The following PCDHGB6 variants were observed in gnomAD, a reference collection of about 807,000 sequenced individuals.
PCDHGB6 encodes the protein protocadherin gamma-B6.
Under a neutral mutation model 59.1 loss-of-function variants are expected in PCDHGB6, and 51 were observed. The observed-to-expected ratio is 0.86, with a 90% CI of 0.69 to 1.09. The LOEUF (loss-of-function observed/expected upper bound fraction) is 1.09, where lower values mean the gene tolerates loss of function less well. PCDHGB6 is among the 50% of genes least tolerant of loss of function. The pLI, the probability that PCDHGB6 is intolerant of heterozygous loss-of-function variation, is 0.00. For missense variants in PCDHGB6, 1,148 were observed against 1,205.1 expected, an observed-to-expected ratio of 0.95 and a Z score of 0.70; for synonymous variants, 466 against 495.1, an observed-to-expected ratio of 0.94 and a Z score of 0.78.
At chr5:141,420,692 A>G (rs2096518268) in intron 1 of PCDHGB6, among the ~76,000 whole-genome samples, 1 of 152,228 alleles carries the variant, frequency 6.6e-6, no homozygotes, top group Admixed American at 6.5e-5. Context: ...GGACCGTATT[A>G]TTTCCACTTC....
At chr5:141,430,837 CG>C in intron 1 of PCDHGB6, 1 of 1,560,074 alleles carries the variant, frequency 6.4e-7, no homozygotes, top group African/African-American at 1.4e-5. Flanking sequence ...TGTGGGAGAC[CG>C]GATGCACCCA....
chr5:141,421,799 A>G (rs778353620), intron 1 of PCDHGB6: 1 of 1,613,860 alleles, frequency 6.2e-7, no homozygotes, highest in South Asian at 1.1e-5. Flanking sequence ...GATGGGGCCA[A>G]GAATCCAGAG....
intron 1 of PCDHGB6, chr5:141,417,931 G>T (rs551432799): frequency 6.8e-6 from 11 of 1,611,382 alleles, no homozygotes; most frequent in Middle Eastern, 1.6e-4. Flanking sequence ...TGCTGCCTTT[G>T]TTCTACCCCA....
chr5:141,421,384 C>T (rs960627405), intron 1 of PCDHGB6: 5 of 1,613,928 alleles, frequency 3.1e-6, no homozygotes, highest in Non-Finnish European at 4.2e-6. Context: ...CTCCAAGGAC[C>T]TGGGGCTGGA....
intron 1 of PCDHGB6, among the ~76,000 whole-genome samples, chr5:141,436,832 C>T (rs1242760381): frequency 6.6e-6 from 1 of 152,172 alleles, no homozygotes; most frequent in African/African-American, 2.4e-5. Flanking sequence ...ATCTTAAGTG[C>T]CTAGGCACAT....
Position 141,511,913 on chromosome 5 carries a change from A to G in PCDHGB6, c.*740A>G, listed in dbSNP as rs1190072814. On this transcript the variant is annotated 3_prime_UTR_variant, in exon 4 of 4. Coordinates refer to ENST00000520790, the MANE Select transcript of PCDHGB6 (RefSeq NM_018926.3). ...CCCCCACCTCCTCCTCAAACAAGAG[A>G]CTCCACTGCATGTTCCAAGACAGTA... is the stretch of plus-strand genomic sequence containing the variant. The G allele has an allele frequency of 6.4e-6, 1 of 156,050 alleles. No individual in the cohort carries two copies. The highest frequency in any genetic ancestry group is 2.4e-5 in the African/African-American group (1 of 41,402). The allele number at this position is 156,050 out of a possible 1,614,324, so 9.7% of individuals were successfully genotyped here.
Position 141,491,547 on chromosome 5 carries a change from G to C in PCDHGB6, c.2419-3260G>C. On this transcript the variant is annotated intron_variant, in intron 1 of 3. Coordinates refer to ENST00000520790, the MANE Select transcript of PCDHGB6 (RefSeq NM_018926.3). This position sits in a 1 kb window ranked among gnomAD's most constrained non-coding sequence, Gnocchi z 6.9. Reference sequence around the variant, plus strand: ...AGGTGACGCTGCGGCCCACAGACTCGCAGAGCCACTGCTACAGGACGTGCT... The same window carrying C: ...AGGTGACGCTGCGGCCCACAGACTCCCAGAGCCACTGCTACAGGACGTGCT... 6.2e-7 allele frequency: 1 copy of C among 1,613,974 alleles called. No individual in the cohort carries two copies. The highest frequency in any genetic ancestry group is 8.5e-7 in the Non-Finnish European group (1 of 1,180,022).
Position 141,489,842 on chromosome 5 carries a change from A to T in PCDHGB6, c.2419-4965A>T. ...GAGCTGGTGCTAGAGCAGCAGCTGGATCGTGAAGCCCAGGCAAGACATCAG... is the reference window on the plus strand; with the variant it reads ...GAGCTGGTGCTAGAGCAGCAGCTGGTTCGTGAAGCCCAGGCAAGACATCAG... On this transcript the variant is annotated intron_variant, in intron 1 of 3. Coordinates refer to ENST00000520790, the MANE Select transcript of PCDHGB6 (RefSeq NM_018926.3). The surrounding 1 kb of genome is among the most constrained non-coding windows in gnomAD (Gnocchi z 4.5). 6.2e-7 allele frequency: 1 copy of T among 1,614,186 alleles called. No homozygotes were observed. Among genetic ancestry groups the T allele is most frequent in the South Asian group, 1.1e-5 (1 of 91,086 alleles).
chr5:141,430,657 A>G (rs2097300740), intron 1 of PCDHGB6: 1 of 1,093,240 alleles, frequency 9.1e-7, no homozygotes, highest in African/African-American at 1.6e-5. Flanking sequence ...GAAACAACGG[A>G]GGAGCTCTGA....
Position 141,489,515 on chromosome 5 carries a change from G to C in PCDHGB6, c.2419-5292G>C, listed in dbSNP as rs983415025. On this transcript the variant is annotated intron_variant, in intron 1 of 3. Coordinates refer to ENST00000520790, the MANE Select transcript of PCDHGB6 (RefSeq NM_018926.3). The surrounding 1 kb of genome is among the most constrained non-coding windows in gnomAD (Gnocchi z 4.5). ...CTGGCAGTGAATCAAAAGATTGACC[G>C]AGAAAGCCTATGTGGAGCCAGCACC... 1 of 1,614,104 alleles carries C rather than the reference G, an allele frequency of 6.2e-7. No individual in the cohort carries two copies. The highest frequency in any genetic ancestry group is 8.5e-7 in the Non-Finnish European group (1 of 1,180,034).
At chr5:141,495,779 C>A (rs529564820) in intron 2 of PCDHGB6, among the ~76,000 whole-genome samples, 53 of 152,094 alleles carry the variant, frequency 3.5e-4, no homozygotes, top group Non-Finnish European at 4.6e-4. Flanking sequence ...TCCTGGACCT[C>A]TTTTCTGTTT....
chr5:141,430,613 A>T, intron 1 of PCDHGB6: 1 of 679,628 alleles, frequency 1.5e-6, no homozygotes, highest in Admixed American at 3.0e-5. Context: ...CACAAAGCAG[A>T]TAGCTAGGAA....
chr5:141,489,530 G>C lies in PCDHGB6; in HGVS notation c.2419-5277G>C, dbSNP rs751249228. 17 of 1,614,092 alleles carry C rather than the reference G, an allele frequency of 1.1e-5. 1 individual carries two copies. In the South Asian group the frequency reaches 1.9e-4, roughly 18 times the overall value. ...AAGATTGACCGAGAAAGCCTATGTG[G>C]AGCCAGCACCAGCTGCCTGCTGCCA... On this transcript the variant is annotated intron_variant, in intron 1 of 3. Coordinates refer to ENST00000520790, the MANE Select transcript of PCDHGB6 (RefSeq NM_018926.3). The surrounding 1 kb of genome is among the most constrained non-coding windows in gnomAD (Gnocchi z 4.5).
intron 1 of PCDHGB6, chr5:141,427,590 C>G (rs768990626): frequency 5.9e-6 from 4 of 678,892 alleles, no homozygotes; most frequent in Non-Finnish European, 1.1e-5. Flanking sequence ...CAGCACAAGC[C>G]TCACCCTACG....
Position 141,478,120 on chromosome 5 carries a change from G to A in PCDHGB6, c.2419-16687G>A, listed in dbSNP as rs772548778. 3.1e-6 allele frequency: 5 copies of A among 1,613,948 alleles called. No homozygotes were observed. In the Admixed American group the frequency reaches 6.7e-5, roughly 22 times the overall value. ...CTACCCTCACTGTGTCAGTAACCGA[G>A]GACTCTCCTGAAGCCCGAGCCGAGT... On this transcript the variant is annotated intron_variant, in intron 1 of 3. Coordinates refer to ENST00000520790, the MANE Select transcript of PCDHGB6 (RefSeq NM_018926.3).
rs568314069 is a variant in PCDHGB6 at position 141,486,371 on chromosome 5, G to C, written c.2419-8436G>C. 53 of 1,614,138 alleles carry C rather than the reference G, an allele frequency of 3.3e-5. 2 individuals are homozygous for C. The South Asian group carries it at 5.3e-4, about 16-fold the overall frequency. Reference sequence around the variant, plus strand: ...CCACTTGCCATTTGCCCTCAAGTCTGCCTTCAGGAACCAGTTCTCCCTGGT... The same window carrying C: ...CCACTTGCCATTTGCCCTCAAGTCTCCCTTCAGGAACCAGTTCTCCCTGGT... On this transcript the variant is annotated intron_variant, in intron 1 of 3. Transcript: ENST00000520790. The surrounding 1 kb of genome is among the most constrained non-coding windows in gnomAD (Gnocchi z 5.0).
rs2099391747 is a variant in PCDHGB6 at position 141,476,440 on chromosome 5, G to A, written c.2419-18367G>A. Reference sequence around the variant, plus strand: ...CACTGCCCTCTTGCACTGTAACTCTGGAGTTGGTAGTGGAGAACCCGCTGG... The same window carrying A: ...CACTGCCCTCTTGCACTGTAACTCTAGAGTTGGTAGTGGAGAACCCGCTGG... On this transcript the variant is annotated intron_variant, in intron 1 of 3. Transcript: ENST00000520790. The surrounding 1 kb of genome is among the most constrained non-coding windows in gnomAD (Gnocchi z 7.6). 1.2e-6 allele frequency: 2 copies of A among 1,613,998 alleles called. No individual in the cohort carries two copies. Among genetic ancestry groups the A allele is most frequent in the African/African-American group, 2.7e-5 (2 of 74,902 alleles).
chr5:141,498,565 G>C (rs2099784348), intron 2 of PCDHGB6, among the ~76,000 whole-genome samples: 1 of 152,044 alleles, frequency 6.6e-6, no homozygotes. Context: ...CTTCAAAGCA[G>C]GGCTAGTATT....
At chr5:141,502,001 C>T (rs2099812274) in intron 2 of PCDHGB6, among the ~76,000 whole-genome samples, 2 of 152,106 alleles carry the variant, frequency 1.3e-5, no homozygotes, top group Admixed American at 1.3e-4. Flanking sequence ...CCCTGACAAC[C>T]CGCATGCTCT....
Sources: gnomAD v4.1 joint callset for allele counts (sites outside exome capture counted in the v4.1 genomes callset) on GRCh38, gnomAD v4.1.1 for gene constraint, Gnocchi (gnomAD v3.1) non-coding constraint, MANE v1.5 for transcripts, NCBI Gene and HGNC (gene_info 2026-07-23, HGNC 2026-07-21) for gene names.